PRKAG2: variants seen among roughly 807,000 people sequenced by gnomAD.
The protein encoded by PRKAG2 is 5'-AMP-activated protein kinase subunit gamma-2.
In PRKAG2, 26 loss-of-function variants were observed where a neutral mutation model predicts 69.6. The observed-to-expected ratio is 0.37, with a 90% CI of 0.27 to 0.52. PRKAG2 has a LOEUF of 0.52. PRKAG2 is among the 20% of genes least tolerant of loss of function. The probability of loss-of-function intolerance (pLI) is 0.90; values close to 1 mark genes in which losing one functional copy is unlikely to be tolerated. For synonymous variants in PRKAG2, 293 were observed against 285.0 expected, an observed-to-expected ratio of 1.03 and a Z score of -0.28; for missense variants, 557 against 740.0, an observed-to-expected ratio of 0.75 and a Z score of 2.87.
At chr7:151,768,121 C>T (rs2075834526) in intron 3 of PRKAG2, among the ~76,000 whole-genome samples, 1 of 152,156 alleles carries the variant, frequency 6.6e-6, no homozygotes, top group Non-Finnish European at 1.5e-5. Flanking sequence ...GGGACTCCTC[C>T]AGGAGGGTTC....
At chr7:151,824,562 T>C (rs6960931) in intron 1 of PRKAG2, among the ~76,000 whole-genome samples, 21,711 of 152,110 alleles carry the variant, frequency 0.14, 1,774 homozygotes, top group East Asian at 0.24. Flanking sequence ...CACACTTGGC[T>C]GTGTGCCTTG....
chr7:151,855,664 G>A (rs944012040), intron 1 of PRKAG2, among the ~76,000 whole-genome samples: 1 of 149,396 alleles, frequency 6.7e-6, no homozygotes, highest in Non-Finnish European at 1.5e-5. Context: ...GCAGACACTG[G>A]GATGTTTTTG....
intron 3 of PRKAG2, among the ~76,000 whole-genome samples, chr7:151,714,262 C>G (rs1795790142): frequency 6.6e-6 from 1 of 152,220 alleles, no homozygotes; most frequent in Non-Finnish European, 1.5e-5. Flanking sequence ...CGTTTGACTT[C>G]TAAGCCTTGA....
chr7:151,791,079 C>T (rs1295409640), intron 1 of PRKAG2, among the ~76,000 whole-genome samples: 1 of 152,200 alleles, frequency 6.6e-6, no homozygotes, highest in Admixed American at 6.5e-5. Context: ...GTGTGTGTGC[C>T]TGCCTGGTCA....
At chr7:151,753,587 A>G (rs1250632972) in intron 3 of PRKAG2, among the ~76,000 whole-genome samples, 2 of 152,170 alleles carry the variant, frequency 1.3e-5, no homozygotes, top group Admixed American at 1.3e-4. Flanking sequence ...TTATTATTTA[A>G]TAATTGTTTT....
rs955011334 is a variant in PRKAG2, at chr7:151,632,639, G to T, written c.685-501C>A. On this transcript the variant is annotated intron_variant, in intron 4 of 15. Coordinates refer to ENST00000287878, the MANE Select transcript of PRKAG2 (RefSeq NM_016203.4). The surrounding 1 kb of genome is among the most constrained non-coding windows in gnomAD (Gnocchi z 4.2). The stretch of plus-strand genomic sequence containing the variant: ...AGGTGTGGGCTCCGCGGCGCGGGGA[G>T]GGGGAGAGGGGCTGGAGGCTGCAGA... The T allele has an allele frequency of 1.5e-5, 15 of 982,930 alleles. No individual in the cohort carries two copies. The East Asian group carries it at 4.6e-4, about 30-fold the overall frequency. 60.9% of individuals were successfully genotyped at this position (982,930 alleles called of 1,614,324 possible).
intron 3 of PRKAG2, among the ~76,000 whole-genome samples, chr7:151,774,755 C>G (rs1011919621): frequency 1.3e-5 from 2 of 152,088 alleles, no homozygotes; most frequent in Admixed American, 6.5e-5. Context: ...TGCAGTGAGC[C>G]GAGATCTCGC....
At chr7:151,712,983 C>T (rs767355213) in intron 3 of PRKAG2, among the ~76,000 whole-genome samples, 11 of 152,222 alleles carry the variant, frequency 7.2e-5, no homozygotes, top group African/African-American at 9.6e-5. Flanking sequence ...GTGCTTGGAA[C>T]GTGCCAAGAG....
At chr7:151,758,397 T>C (rs1469525560) in intron 3 of PRKAG2, among the ~76,000 whole-genome samples, 2 of 152,248 alleles carry the variant, frequency 1.3e-5, no homozygotes, top group Admixed American at 6.5e-5. Flanking sequence ...AGGAATTCTT[T>C]CTTTGTTATG....
intron 15 of PRKAG2, chr7:151,557,992 C>T (rs1223353875): frequency 2.0e-6 from 2 of 984,680 alleles, no homozygotes; most frequent in African/African-American, 1.7e-5. Flanking sequence ...GGGAGAGCTA[C>T]TATTTTTCTC....
At chr7:151,615,183 C>T (rs1819804665) in intron 5 of PRKAG2, among the ~76,000 whole-genome samples, 1 of 152,214 alleles carries the variant, frequency 6.6e-6, no homozygotes, top group Non-Finnish European at 1.5e-5. Context: ...CAGCTCCACC[C>T]ATGTTCCTGG....
At chr7:151,655,180 G>A (rs1399180900) in intron 4 of PRKAG2, among the ~76,000 whole-genome samples, 2 of 152,070 alleles carry the variant, frequency 1.3e-5, no homozygotes, top group South Asian at 4.2e-4. Flanking sequence ...ATTCTTGAAG[G>A]ACACCACATC....
intron 4 of PRKAG2, among the ~76,000 whole-genome samples, chr7:151,639,707 G>C (rs2151359985): frequency 6.6e-6 from 1 of 152,290 alleles, no homozygotes. Flanking sequence ...CTTTGGCCTT[G>C]GACTGAGAAT....
chr7:151,867,781 G>C (rs143564714), intron 1 of PRKAG2, among the ~76,000 whole-genome samples: 10 of 152,166 alleles, frequency 6.6e-5, no homozygotes, highest in African/African-American at 2.2e-4. Flanking sequence ...CTAACCCTGC[G>C]TAAACATAGT....
intron 5 of PRKAG2, among the ~76,000 whole-genome samples, chr7:151,624,632 C>T (rs374002912): frequency 5.9e-5 from 9 of 152,172 alleles, no homozygotes; most frequent in South Asian, 2.1e-4. Flanking sequence ...GCGATTTCCT[C>T]GGATGCCAGA....
At chr7:151,582,023 G>C (rs966073921) in intron 6 of PRKAG2, among the ~76,000 whole-genome samples, 2 of 152,216 alleles carry the variant, frequency 1.3e-5, no homozygotes, top group Non-Finnish European at 2.9e-5. Flanking sequence ...GTTAGAAACT[G>C]ATCACGCGTG....
At chr7:151,715,943 G>A (rs76770821) in intron 3 of PRKAG2, among the ~76,000 whole-genome samples, 6,978 of 152,172 alleles carry the variant, frequency 0.046, 283 homozygotes, top group East Asian at 0.12. Context: ...TTTTCGAGAG[G>A]CACTTTTATA....
chr7:151,619,605 A>C (rs1820982725), intron 5 of PRKAG2, among the ~76,000 whole-genome samples: 2 of 152,212 alleles, frequency 1.3e-5, no homozygotes, highest in Non-Finnish European at 2.9e-5. Context: ...AAATTGTATA[A>C]AATAACTTCA....
chr7:151,806,823 T>C (rs1472965921), intron 1 of PRKAG2: 2 of 368,292 alleles, frequency 5.4e-6, no homozygotes, highest in Admixed American at 7.5e-5. Flanking sequence ...AAAAGTTAGC[T>C]GGGCGTGTTG....
Sources: allele counts gnomAD v4.1 joint callset (sites outside exome capture counted in the v4.1 genomes callset), GRCh38; gene constraint gnomAD v4.1.1; non-coding constraint Gnocchi (gnomAD v3.1); transcripts MANE v1.5; gene names NCBI Gene and HGNC (gene_info 2026-07-23, HGNC 2026-07-21).